The following RABGAP1L variants were observed in gnomAD, a reference collection of about 807,000 sequenced individuals.
RABGAP1L encodes the protein RAB GTPase activating protein 1 like, also known as rab GTPase-activating protein 1-like.
RABGAP1L carries 63 observed loss-of-function variants against 137.7 expected under a neutral mutation model. That is an observed-to-expected ratio of 0.46 (90% CI 0.37 to 0.56). The LOEUF is 0.56. RABGAP1L is among the 20% of genes least tolerant of loss of function. RABGAP1L has a pLI of 0.00. For missense variants in RABGAP1L, 1,095 were observed against 1,244.0 expected (o/e 0.88, Z 1.80); for synonymous variants, 431 against 433.7 (o/e 0.99, Z 0.08).
At position 174,962,966 on chromosome 1, in the gene RABGAP1L, CA is replaced by C. The variant is rs1396714761; in HGVS notation, c.2433+5418del. On this transcript the variant is annotated intron_variant, in intron 20 of 25. Coordinates refer to ENST00000681986, the MANE Select transcript of RABGAP1L (RefSeq NM_001366446.1). ...TACAAAAATTAGCTGGGTGTGGTGG[CA>C]CATAACCTGTAGTCCCAGCTACTCA... is the stretch of plus-strand genomic sequence containing the variant. Among the ~76,000 whole-genome samples, 67 of 152,116 alleles carry C rather than the reference CA, an allele frequency of 4.4e-4. 1 individual carries two copies. In the East Asian group the frequency reaches 0.01, roughly 23 times the overall value.
chr1:174,494,271 A>G (rs1266332552), intron 13 of RABGAP1L, among the ~76,000 whole-genome samples: 1 of 152,092 alleles, frequency 6.6e-6, no homozygotes, highest in African/African-American at 2.4e-5. Context: ...CCTTGGGACA[A>G]TAGGTGCTGT....
At chr1:174,530,273 C>A (rs1261589663) in intron 13 of RABGAP1L, among the ~76,000 whole-genome samples, 1 of 152,050 alleles carries the variant, frequency 6.6e-6, no homozygotes, top group Non-Finnish European at 1.5e-5. Flanking sequence ...ATGTCTAAGC[C>A]ACATAGGCAG....
intron 18 of RABGAP1L, among the ~76,000 whole-genome samples, chr1:174,770,522 C>CTTTA (rs1686032824): frequency 6.6e-6 from 1 of 152,176 alleles, no homozygotes; most frequent in South Asian, 2.1e-4. Flanking sequence ...GTTGAATAAA[C>CTTTA]ACACCATTTC....
At chr1:174,218,682 A>G (rs1057423343) in intron 1 of RABGAP1L, among the ~76,000 whole-genome samples, 9 of 152,154 alleles carry the variant, frequency 5.9e-5, no homozygotes, top group Non-Finnish European at 1.2e-4. Flanking sequence ...TCTTGAGGAG[A>G]TAAGTTTTTT....
chr1:174,734,873 A>C (rs754806725), intron 17 of RABGAP1L, among the ~76,000 whole-genome samples: 1 of 151,378 alleles, frequency 6.6e-6, no homozygotes, highest in Non-Finnish European at 1.5e-5. Context: ...TTCAGATTGC[A>C]TTGAGTCACA....
intron 12 of RABGAP1L, among the ~76,000 whole-genome samples, chr1:174,381,220 A>G (rs1006361992): frequency 1.4e-5 from 2 of 146,556 alleles, no homozygotes; most frequent in African/African-American, 5.2e-5. Context: ...TCTGTGGTCA[A>G]TTTTGGAATA....
chr1:174,805,028 A>AC (rs111441476), intron 18 of RABGAP1L, among the ~76,000 whole-genome samples: 95,612 of 151,958 alleles, frequency 0.63, 33,367 homozygotes, highest in East Asian at 0.93. Context: ...TACTTCTGAT[A>AC]CCCCCCAAAA....
chr1:174,547,022 T>A (rs1199407287), intron 13 of RABGAP1L, among the ~76,000 whole-genome samples: 3 of 92,330 alleles, frequency 3.2e-5, no homozygotes. Context: ...AGAGCGAGAC[T>A]CTGTCTCAAA....
chr1:174,323,105 T>C (rs970349822), intron 11 of RABGAP1L, among the ~76,000 whole-genome samples: 1 of 152,190 alleles, frequency 6.6e-6, no homozygotes, highest in Admixed American at 6.5e-5. Context: ...TGCTCTAATT[T>C]AGTGAAAAAC....
At chr1:174,777,803 T>G (rs747396015) in intron 18 of RABGAP1L, among the ~76,000 whole-genome samples, 1 of 152,098 alleles carries the variant, frequency 6.6e-6, no homozygotes, top group South Asian at 2.1e-4. Flanking sequence ...AAGAAAAGAT[T>G]AGTGAACTTG....
At position 174,441,995 on chromosome 1, in the gene RABGAP1L, A is replaced by T. The variant is rs1053855958; in HGVS notation, c.1710+47850A>T. Among the ~76,000 whole-genome samples, 49 of 152,164 alleles carry T rather than the reference A, an allele frequency of 3.2e-4. 1 individual carries two copies. Among genetic ancestry groups the T allele is most frequent in the Admixed American group, 2.9e-3 (45 of 15,280 alleles). The stretch of plus-strand genomic sequence containing the variant: ...TTGTAGATTCAAATAGCTACCAGTG[A>T]TTATTTTTGGAAACAAACTAAAGGG... On this transcript the variant is annotated intron_variant, in intron 13 of 25. Coordinates refer to ENST00000681986, the MANE Select transcript of RABGAP1L (RefSeq NM_001366446.1).
At chr1:174,653,056 C>T (rs1166468202) in intron 14 of RABGAP1L, among the ~76,000 whole-genome samples, 3 of 152,130 alleles carry the variant, frequency 2.0e-5, no homozygotes, top group Non-Finnish European at 4.4e-5. Context: ...CTGGGGTGGG[C>T]TCTGCCCAGT....
chr1:174,804,720 CA>C (rs1193680714), intron 18 of RABGAP1L, among the ~76,000 whole-genome samples: 4 of 152,318 alleles, frequency 2.6e-5, no homozygotes, highest in African/African-American at 7.2e-5. Flanking sequence ...TCATTTTCCA[CA>C]GTGAATCGAA....
At chr1:174,873,488 GCTA>G (rs1233472420) in intron 19 of RABGAP1L, among the ~76,000 whole-genome samples, 3 of 150,260 alleles carry the variant, frequency 2.0e-5, no homozygotes, top group African/African-American at 7.4e-5. Context: ...GGTCTTGACT[GCTA>G]CTCTCCTGAG....
chr1:174,212,074 G>C (rs1278915488), intron 1 of RABGAP1L, among the ~76,000 whole-genome samples: 1 of 151,968 alleles, frequency 6.6e-6, no homozygotes, highest in Non-Finnish European at 1.5e-5. Flanking sequence ...AGATCTTCCA[G>C]TCAAAAAATC....
intron 13 of RABGAP1L, among the ~76,000 whole-genome samples, chr1:174,576,859 C>T (rs1180789248): frequency 5.3e-5 from 8 of 152,096 alleles, no homozygotes; most frequent in South Asian, 2.1e-4. Flanking sequence ...TGCTAAATAA[C>T]GGAGCTATCT....
chr1:174,820,675 A>T (rs539376292), intron 19 of RABGAP1L, among the ~76,000 whole-genome samples: 12 of 152,290 alleles, frequency 7.9e-5, no homozygotes, highest in South Asian at 4.1e-4. Context: ...ACCCAAGATA[A>T]AAAGCATCTT....
chr1:174,281,968 C>CAATT (rs1284811007), intron 10 of RABGAP1L, among the ~76,000 whole-genome samples: 1 of 152,202 alleles, frequency 6.6e-6, no homozygotes, highest in Non-Finnish European at 1.5e-5. Flanking sequence ...CTTCATGTAA[C>CAATT]AATGCCTTTG....
intron 12 of RABGAP1L, among the ~76,000 whole-genome samples, chr1:174,372,725 T>C (rs1685205932): frequency 6.6e-6 from 1 of 152,138 alleles, no homozygotes; most frequent in African/African-American, 2.4e-5. Context: ...AGCTTTTAGG[T>C]TTTATTTTCA....
Sources: gnomAD v4.1 joint callset for allele counts (sites outside exome capture counted in the v4.1 genomes callset) on GRCh38, gnomAD v4.1.1 for gene constraint, MANE v1.5 for transcripts, NCBI Gene and HGNC (gene_info 2026-07-23, HGNC 2026-07-21) for gene names.